Variants in TSHZ2 observed in about 807,000 individuals in gnomAD.
TSHZ2 encodes the protein teashirt homolog 2.
In TSHZ2, 21 loss-of-function variants were observed where a neutral mutation model predicts 74.4. That is an observed-to-expected ratio of 0.28 (90% CI 0.20 to 0.41). TSHZ2 has a LOEUF of 0.41. TSHZ2 is among the 10% of genes least tolerant of loss of function. TSHZ2 has a pLI of 1.00. For synonymous variants in TSHZ2, 540 were observed against 515.3 expected (o/e 1.05, Z -0.65); for missense variants, 1,244 against 1,293.5 (o/e 0.96, Z 0.59).
chr20:53,204,095 G>GATACTATATCATCAT (rs1568810750), intron 1 of TSHZ2, among the ~76,000 whole-genome samples: 1 of 89,616 alleles, frequency 1.1e-5, no homozygotes, highest in Non-Finnish European at 2.8e-5. Flanking sequence ...ATCATCATAT[G>GATACTATATCATCAT]ATGATATGAT....
At chr20:53,078,211 C>T (rs1985424922) in intron 1 of TSHZ2, among the ~76,000 whole-genome samples, 1 of 152,168 alleles carries the variant, frequency 6.6e-6, no homozygotes, top group Admixed American at 6.5e-5. Flanking sequence ...AATCTAAAAA[C>T]ATATGAGTAA....
chr20:53,471,971 A>G (rs1985820237), intron 2 of TSHZ2, among the ~76,000 whole-genome samples: 1 of 151,592 alleles, frequency 6.6e-6, no homozygotes, highest in Non-Finnish European at 1.5e-5. Context: ...ACGCCCAGCT[A>G]ATTTTGTATT....
chr20:53,112,146 G>A (rs1019740684), intron 1 of TSHZ2, among the ~76,000 whole-genome samples: 1 of 152,196 alleles, frequency 6.6e-6, no homozygotes, highest in African/African-American at 2.4e-5. Flanking sequence ...AAGACAGGTA[G>A]GGCCCAGGTC....
intron 1 of TSHZ2, among the ~76,000 whole-genome samples, chr20:53,195,470 A>G (rs1988840842): frequency 6.6e-6 from 1 of 152,162 alleles, no homozygotes; most frequent in South Asian, 2.1e-4. Context: ...TCATCATCTA[A>G]ACTGTGTTTT....
chr20:53,063,008 C>T (rs1984868390), intron 1 of TSHZ2, among the ~76,000 whole-genome samples: 1 of 152,104 alleles, frequency 6.6e-6, no homozygotes, highest in Non-Finnish European at 1.5e-5. Context: ...AAGAGCTTCC[C>T]TATTTCCAGT....
At chr20:53,051,303 C>T (rs1352974238) in intron 1 of TSHZ2, among the ~76,000 whole-genome samples, 1 of 152,160 alleles carries the variant, frequency 6.6e-6, no homozygotes, top group Non-Finnish European at 1.5e-5. Context: ...TTTGCCACTG[C>T]ACTCCAGCCT....
intron 1 of TSHZ2, among the ~76,000 whole-genome samples, chr20:53,116,542 C>G (rs1275882129): frequency 6.6e-6 from 1 of 152,166 alleles, no homozygotes; most frequent in Admixed American, 6.5e-5. Flanking sequence ...CAACTGGTCT[C>G]AAGACATTTT....
At chr20:53,038,151 C>A (rs914247901) in intron 1 of TSHZ2, among the ~76,000 whole-genome samples, 34 of 126,472 alleles carry the variant, frequency 2.7e-4, no homozygotes, top group Admixed American at 7.7e-4. Context: ...GAGATCGCAC[C>A]ACTGCACTCC....
chr20:53,089,770 A>G (rs1264159097), intron 1 of TSHZ2, among the ~76,000 whole-genome samples: 1 of 152,244 alleles, frequency 6.6e-6, no homozygotes, highest in Admixed American at 6.5e-5. Flanking sequence ...AGAACAAGAA[A>G]AGAACCTTTC....
At chr20:53,352,558 G>A (rs1022648889) in intron 2 of TSHZ2, among the ~76,000 whole-genome samples, 3 of 151,972 alleles carry the variant, frequency 2.0e-5, no homozygotes, top group Non-Finnish European at 4.4e-5. Flanking sequence ...CGGGTCACGT[G>A]AGGTCAGGAC....
intron 2 of TSHZ2, among the ~76,000 whole-genome samples, chr20:53,482,374 T>C (rs1986177007): frequency 6.6e-6 from 1 of 152,108 alleles, no homozygotes; most frequent in African/African-American, 2.4e-5. Context: ...GGTGAAGCAA[T>C]GTCACATTGT....
In TSHZ2 at chr20:53,150,048, C is replaced by T. The variant is rs751562281; in HGVS notation, c.41-103451C>T. 3.9e-5 allele frequency among the ~76,000 whole-genome samples: 6 copies of T among 152,250 alleles called. No homozygotes were observed. In the East Asian group the frequency reaches 7.7e-4, roughly 20 times the overall value. ...CACTTTCATAGTTCTGCCTATGTGCCGGACACTGCGGTAAATGTTTTACTT... is the reference window on the plus strand; with the variant it reads ...CACTTTCATAGTTCTGCCTATGTGCTGGACACTGCGGTAAATGTTTTACTT... On this transcript the variant is annotated intron_variant, in intron 1 of 2. Coordinates refer to ENST00000371497, the MANE Select transcript of TSHZ2 (RefSeq NM_173485.6).
intron 2 of TSHZ2, among the ~76,000 whole-genome samples, chr20:53,323,545 T>C (rs1979359904): frequency 1.3e-5 from 2 of 148,964 alleles, no homozygotes; most frequent in South Asian, 4.3e-4. Context: ...AGCCACCCGT[T>C]TTCATTGCCT....
chr20:53,438,197 C>G (rs1013504078), intron 2 of TSHZ2, among the ~76,000 whole-genome samples: 1 of 150,700 alleles, frequency 6.6e-6, no homozygotes, highest in African/African-American at 2.4e-5. Flanking sequence ...GCAACCTCTG[C>G]TTCCAGGGTT....
intron 1 of TSHZ2, among the ~76,000 whole-genome samples, chr20:53,198,574 A>G (rs553384631): frequency 1.3e-5 from 2 of 152,352 alleles, no homozygotes; most frequent in South Asian, 4.1e-4. Context: ...TTTGCTTAAA[A>G]TGAAAAATGT....
At chr20:53,199,570 G>T (rs1988950230) in intron 1 of TSHZ2, among the ~76,000 whole-genome samples, 1 of 152,254 alleles carries the variant, frequency 6.6e-6, no homozygotes, top group African/African-American at 2.4e-5. Context: ...GCCAGAGACA[G>T]CGAAACTCCA....
At chr20:53,117,702 T>C (rs1404265154) in intron 1 of TSHZ2, among the ~76,000 whole-genome samples, 2 of 152,220 alleles carry the variant, frequency 1.3e-5, no homozygotes, top group African/African-American at 4.8e-5. Context: ...GTTAATGGCA[T>C]TGATCAGTCA....
chr20:53,368,580 G>C (rs915729395), intron 2 of TSHZ2, among the ~76,000 whole-genome samples: 6 of 152,144 alleles, frequency 3.9e-5, no homozygotes, highest in African/African-American at 1.4e-4. Context: ...CAAAGTGCTG[G>C]GATTACAGGC....
At chr20:52,992,140 G>T (rs1261313378) in intron 1 of TSHZ2, among the ~76,000 whole-genome samples, 1 of 152,126 alleles carries the variant, frequency 6.6e-6, no homozygotes, top group African/African-American at 2.4e-5. Flanking sequence ...CTATTTCCTG[G>T]CCTCTCTTCC....
Sources: gnomAD v4.1 joint callset for allele counts (sites outside exome capture counted in the v4.1 genomes callset) on GRCh38, gnomAD v4.1.1 for gene constraint, MANE v1.5 for transcripts, NCBI Gene and HGNC (gene_info 2026-07-23, HGNC 2026-07-21) for gene names.